Variants in JPH2 observed in about 807,000 individuals in gnomAD.
JPH2 encodes the protein junctophilin 2.
Under a neutral mutation model 55.9 loss-of-function variants are expected in JPH2, and 38 were observed. The ratio of observed to expected loss-of-function variants is 0.68; its 90% confidence interval spans 0.52 to 0.89. The LOEUF is 0.89. Ranked by LOEUF, JPH2 falls within the 40% of genes least tolerant of loss-of-function variation. The pLI is 0.00. For synonymous variants in JPH2, 480 were observed against 472.4 expected (o/e 1.02, Z -0.21); for missense variants, 964 against 1,037.6 (o/e 0.93, Z 0.97).
chr20:44,158,606 T>TATC (rs1053817997), intron 2 of JPH2, among the ~76,000 whole-genome samples: 1 of 152,204 alleles, frequency 6.6e-6, no homozygotes, highest in African/African-American at 2.4e-5. Flanking sequence ...ATTAGAACTT[T>TATC]ATCTGAAGCA....
chr20:44,147,610 G>A (rs546644868), intron 2 of JPH2, among the ~76,000 whole-genome samples: 4 of 152,328 alleles, frequency 2.6e-5, no homozygotes, highest in South Asian at 2.1e-4. Flanking sequence ...GGTGCAACCC[G>A]GGTGGAAGTA....
At position 44,116,358 on chromosome 20, in the gene JPH2, C is replaced by T. The variant is rs1339404249; in HGVS notation, c.1317G>A (p.Leu439=). 4.5e-6 allele frequency: 7 copies of T among 1,547,608 alleles called. No individual in the cohort carries two copies. The African/African-American group carries it at 9.6e-5, about 21-fold the overall frequency. The change falls in exon 4 of 6, where the codon CTG becomes CTA. Residue 439 remains leucine, a synonymous_variant. Coordinates refer to ENST00000372980, the MANE Select transcript of JPH2 (RefSeq NM_020433.5). ...PGPEYQKRRL[L]QEILENSESL... is the part of the protein sequence containing the mutation. ...TCTCCGAGTTCTCCAGGATCTCCTG[C>T]AGCAGCCGGCGCTTCTGATATTCCG... is the stretch of plus-strand genomic sequence containing the variant.
At chr20:44,115,559 C>T (rs1600828526) in intron 4 of JPH2, 106 bp downstream of exon 4, 2 of 1,460,636 alleles carry the variant, frequency 1.4e-6, no homozygotes, top group East Asian at 4.7e-5. Flanking sequence ...CTGCTTCGGT[C>T]TCTCGCACCC....
intron 5 of JPH2, 62 bp downstream of exon 5, chr20:44,114,720 G>T (rs1044658913): frequency 8.1e-7 from 1 of 1,235,106 alleles, no homozygotes; most frequent in South Asian, 1.3e-5. Flanking sequence ...CCACCACCCT[G>T]GTGCTCAAAA....
intron 1 of JPH2, among the ~76,000 whole-genome samples, chr20:44,172,203 G>A (rs1449304837): frequency 6.6e-6 from 1 of 152,192 alleles, no homozygotes; most frequent in African/African-American, 2.4e-5. Context: ...CTGGGATGTG[G>A]AACTTTCAGT....
chr20:44,121,843 AT>A (rs2072239438), intron 2 of JPH2, among the ~76,000 whole-genome samples: 1 of 151,810 alleles, frequency 6.6e-6, no homozygotes, highest in African/African-American at 2.4e-5. Flanking sequence ...AAAAAAAAAA[AT>A]TAGCCAGGTG....
chr20:44,182,685 T>A (rs912285302), intron 1 of JPH2, among the ~76,000 whole-genome samples: 1 of 152,202 alleles, frequency 6.6e-6, no homozygotes, highest in Non-Finnish European at 1.5e-5. Context: ...GACGACTCCA[T>A]CTAAGAACAC....
At chr20:44,177,022 A>T (rs185893651) in intron 1 of JPH2, 1 of 985,060 alleles carries the variant, frequency 1.0e-6, no homozygotes, top group East Asian at 1.1e-4. Flanking sequence ...AGCAGGGGTC[A>T]CTCTGGAGTT....
intron 1 of JPH2, among the ~76,000 whole-genome samples, chr20:44,161,250 GGTGATGGGCATCA>G (rs1396136557): frequency 2.6e-5 from 4 of 152,172 alleles, no homozygotes; most frequent in African/African-American, 9.7e-5. Flanking sequence ...GAGTGTGTGA[GGTGATGGGCATCA>G]GTGAAACCGA....
chr20:44,153,340 A>C (rs181800109), intron 2 of JPH2, among the ~76,000 whole-genome samples: 1 of 152,232 alleles, frequency 6.6e-6, no homozygotes, highest in African/African-American at 2.4e-5. Context: ...AAGTGAGCCC[A>C]GAGGGGTGAG....
In JPH2 at chr20:44,186,250, G is replaced by A. The variant is rs75804573; in HGVS notation, c.379+77C>T. The stretch of plus-strand genomic sequence containing the variant: ...TCTGATTCTGTGCCAATTGCCGGTC[G>A]CCTTTCCCACCCTCCACCAGGGTTT... On this transcript the variant is annotated intron_variant, in intron 1 of 5. Coordinates refer to ENST00000372980, the MANE Select transcript of JPH2 (RefSeq NM_020433.5). 143,950 of 1,531,862 alleles carry A rather than the reference G, an allele frequency of 0.094. 7,328 individuals are homozygous for A. The highest frequency in any genetic ancestry group is 0.12 in the Middle Eastern group (627 of 5,132). 94.9% of individuals were successfully genotyped at this position (1,531,862 alleles called of 1,614,324 possible). A position where few individuals can be genotyped will look rare whatever the true frequency, so the allele number is the denominator to read the frequency against.
chr20:44,149,783 G>C (rs973803707), intron 2 of JPH2, among the ~76,000 whole-genome samples: 1 of 152,162 alleles, frequency 6.6e-6, no homozygotes, highest in East Asian at 1.9e-4. Flanking sequence ...TTTGAGACCA[G>C]TCTGGCCAAC....
intron 1 of JPH2, among the ~76,000 whole-genome samples, chr20:44,174,994 C>CTCAAA (rs2072722995): frequency 6.7e-6 from 1 of 148,654 alleles, no homozygotes; most frequent in African/African-American, 2.5e-5. Flanking sequence ...GAGACCCTGT[C>CTCAAA]TCAAATTAAA....
intron 2 of JPH2, among the ~76,000 whole-genome samples, chr20:44,139,617 T>A (rs1178784120): frequency 1.3e-5 from 2 of 152,184 alleles, no homozygotes; most frequent in Non-Finnish European, 2.9e-5. Flanking sequence ...ACTTTTTGTG[T>A]AAGAAAGAGA....
chr20:44,121,054 G>C (rs1014266477), intron 2 of JPH2, among the ~76,000 whole-genome samples: 6 of 112,116 alleles, frequency 5.4e-5, no homozygotes, highest in Admixed American at 3.7e-4. Context: ...GAAATATGCC[G>C]TGAAGGAGGA....
At chr20:44,167,820 T>C (rs2072668178) in intron 1 of JPH2, among the ~76,000 whole-genome samples, 2 of 152,176 alleles carry the variant, frequency 1.3e-5, no homozygotes, top group Admixed American at 1.3e-4. Context: ...ACCCTTTGCA[T>C]TTGACAAGCT....
chr20:44,122,929 C>G (rs1024784766), intron 2 of JPH2, among the ~76,000 whole-genome samples: 3 of 151,224 alleles, frequency 2.0e-5, no homozygotes, highest in Non-Finnish European at 4.4e-5. Flanking sequence ...GCTGGGCAAG[C>G]CTTCAAACTG....
chr20:44,122,362 T>C (rs143950072), intron 2 of JPH2, among the ~76,000 whole-genome samples: 21 of 152,140 alleles, frequency 1.4e-4, no homozygotes, highest in African/African-American at 4.6e-4. Context: ...CAGAATGAGA[T>C]GACCGAGGCA....
At chr20:44,176,412 C>A (rs1213245414) in intron 1 of JPH2, among the ~76,000 whole-genome samples, 1 of 149,626 alleles carries the variant, frequency 6.7e-6, no homozygotes, top group African/African-American at 2.5e-5. Context: ...CCTGCCTTGG[C>A]CTCTTAAAGC....
Sources: gnomAD v4.1 joint callset for allele counts (sites outside exome capture counted in the v4.1 genomes callset) on GRCh38, gnomAD v4.1.1 for gene constraint, MANE v1.5 for transcripts, NCBI Gene and HGNC (gene_info 2026-07-23, HGNC 2026-07-21) for gene names.